CCND2: variants seen among roughly 807,000 people sequenced by gnomAD.
The protein encoded by CCND2 is G1/S-specific cyclin-D2.
In CCND2, 6 loss-of-function variants were observed where a neutral mutation model predicts 30.2. The observed-to-expected ratio is 0.20, with a 90% CI of 0.11 to 0.39. CCND2 has a LOEUF of 0.39. CCND2 is among the 10% of genes least tolerant of loss of function. CCND2 has a pLI of 1.00. For missense variants in CCND2, 235 were observed against 373.4 expected, an observed-to-expected ratio of 0.63 and a Z score of 3.06; for synonymous variants, 150 against 153.1, an observed-to-expected ratio of 0.98 and a Z score of 0.15.
rs1864044714 is a variant in CCND2 at position 4,287,844 on chromosome 12, C to T, written c.572-998C>T. On this transcript the variant is annotated intron_variant, in intron 3 of 4. Coordinates refer to ENST00000261254, the MANE Select transcript of CCND2 (RefSeq NM_001759.4). The surrounding 1 kb of genome is among the most constrained non-coding windows in gnomAD (Gnocchi z 4.0). ...AAGCAGCTGCTGGATCATGGCCACC[C>T]AGCCCCTCTGAAGGAGTGCTCGGAG... is the stretch of plus-strand genomic sequence containing the variant. 6.6e-6 allele frequency among the ~76,000 whole-genome samples: 1 copy of T among 152,212 alleles called. No homozygotes were observed. Among genetic ancestry groups the T allele is most frequent in the African/African-American group, 2.4e-5 (1 of 41,444 alleles).
intron 4 of CCND2, among the ~76,000 whole-genome samples, chr12:4,292,149 A>G (rs11063074): frequency 1.1e-4 from 16 of 152,080 alleles, no homozygotes; most frequent in African/African-American, 3.9e-4. Flanking sequence ...GTGTGTATAT[A>G]TGTATATACA....
chr12:4,302,548 C>A lies in CCND2; in HGVS notation c.*2539C>A, dbSNP rs570394607. 55 of 233,182 alleles carry A rather than the reference C, an allele frequency of 2.4e-4. 1 individual carries two copies. The South Asian group carries it at 9.8e-3, about 41-fold the overall frequency. 14.4% of individuals were successfully genotyped at this position (233,182 alleles called of 1,614,324 possible). A position where few individuals can be genotyped will look rare whatever the true frequency, so the allele number is the denominator to read the frequency against. ...AGGTCTGAATCTGCGAGTAGATGAACCTGCAGCAAGCAGCGTTTATGGTGC... is the reference window on the plus strand; with the variant it reads ...AGGTCTGAATCTGCGAGTAGATGAAACTGCAGCAAGCAGCGTTTATGGTGC... On this transcript the variant is annotated 3_prime_UTR_variant, in exon 5 of 5. Coordinates refer to ENST00000261254, the MANE Select transcript of CCND2 (RefSeq NM_001759.4).
chr12:4,279,900 G>A (rs1034302538), intron 3 of CCND2, among the ~76,000 whole-genome samples: 2 of 151,344 alleles, frequency 1.3e-5, no homozygotes, highest in African/African-American at 4.8e-5. Context: ...AAATCGCTAG[G>A]TGGACTCACG....
intron 3 of CCND2, among the ~76,000 whole-genome samples, chr12:4,284,746 T>TA (rs1328781507): frequency 2.7e-5 from 4 of 149,390 alleles, no homozygotes; most frequent in African/African-American, 9.8e-5. Context: ...TTCTTTTTCT[T>TA]TTTTTTTTTT....
Position 4,274,240 on chromosome 12 carries a change from G to T in CCND2, c.195+5G>T. On this transcript the variant is annotated splice_donor_5th_base_variant and intron_variant, in intron 1 of 4. Coordinates refer to ENST00000261254, the MANE Select transcript of CCND2 (RefSeq NM_001759.4). The surrounding 1 kb of genome is among the most constrained non-coding windows in gnomAD (Gnocchi z 7.7). ...GTGGCCACCTGGATGCTGGAGGTAG[G>T]TCGGGGGGTGGCGCTCGCCAGGAGC... 1.2e-6 allele frequency: 2 copies of T among 1,613,350 alleles called. No individual in the cohort carries two copies. The highest frequency in any genetic ancestry group is 1.7e-6 in the Non-Finnish European group (2 of 1,179,482).
chr12:4,295,726 G>A (rs1052932981), intron 4 of CCND2, among the ~76,000 whole-genome samples: 7 of 152,180 alleles, frequency 4.6e-5, no homozygotes, highest in Non-Finnish European at 8.8e-5. Context: ...GCAGTGAGCC[G>A]AGATCGCACC....
chr12:4,276,327 T>C lies in CCND2; in HGVS notation c.411+107T>C. 5 of 867,802 alleles carry C rather than the reference T, an allele frequency of 5.8e-6. No homozygotes were observed. The highest frequency in any genetic ancestry group is 7.2e-6 in the Non-Finnish European group (4 of 559,336). The allele number at this position is 867,802 out of a possible 1,614,324, so 53.8% of individuals were successfully genotyped here. ...CAGAGCAAATTCTTGGGATCCAGAATGACCCCACCAATAGAATTTACCCAC... is the reference window on the plus strand; with the variant it reads ...CAGAGCAAATTCTTGGGATCCAGAACGACCCCACCAATAGAATTTACCCAC... On this transcript the variant is annotated intron_variant, in intron 2 of 4. Coordinates refer to ENST00000261254, the MANE Select transcript of CCND2 (RefSeq NM_001759.4). The surrounding 1 kb of genome is among the most constrained non-coding windows in gnomAD (Gnocchi z 4.8).
At position 4,278,652 on chromosome 12, in the gene CCND2, C is replaced by T. The variant is rs114666303; in HGVS notation, c.412-108C>T. Reference sequence around the variant, plus strand: ...CCGCCTTACAATCTAGCAGCCACGTCCTAATGAGCGGCCTTAAAACTGGTC... The same window carrying T: ...CCGCCTTACAATCTAGCAGCCACGTTCTAATGAGCGGCCTTAAAACTGGTC... On this transcript the variant is annotated intron_variant, in intron 2 of 4. Coordinates refer to ENST00000261254, the MANE Select transcript of CCND2 (RefSeq NM_001759.4). 1.6e-3 allele frequency: 1,628 copies of T among 1,049,068 alleles called. 8 individuals are homozygous for T. The African/African-American group carries it at 0.021, about 14-fold the overall frequency. 65.0% of individuals were successfully genotyped at this position (1,049,068 alleles called of 1,614,324 possible). A position where few individuals can be genotyped will look rare whatever the true frequency, so the allele number is the denominator to read the frequency against.
At chr12:4,292,252 G>A (rs1864111435) in intron 4 of CCND2, among the ~76,000 whole-genome samples, 1 of 152,078 alleles carries the variant, frequency 6.6e-6, no homozygotes. Flanking sequence ...TTGATGTTGA[G>A]CTCTTCCCTG....
chr12:4,278,843 C>T lies in CCND2; in HGVS notation c.495C>T (p.Arg165=). The T allele has an allele frequency of 6.2e-7, 1 of 1,614,220 alleles. No homozygotes were observed. The highest frequency in any genetic ancestry group is 2.2e-5 in the East Asian group (1 of 44,882). Residue 165 remains arginine (R), a synonymous_variant, in exon 3 of 5, where the codon CGC becomes CGT. Coordinates refer to ENST00000261254, the MANE Select transcript of CCND2 (RefSeq NM_001759.4). ...ATGACTTCATTGAGCACATCTTGCG[C>T]AAGCTGCCCCAGCAGCGGGAGAAGC... ...TPHDFIEHIL[R]KLPQQREKLS...
In CCND2 at chr12:4,276,391, A is replaced by AT. The variant is rs1169412822; in HGVS notation, c.411+177dup. Among the ~76,000 whole-genome samples, 1 of 152,166 alleles carries AT rather than the reference A, an allele frequency of 6.6e-6. No individual in the cohort carries two copies. Among genetic ancestry groups the AT allele is most frequent in the Non-Finnish European group, 1.5e-5 (1 of 68,030 alleles). On this transcript the variant is annotated intron_variant, in intron 2 of 4. Coordinates refer to ENST00000261254, the MANE Select transcript of CCND2 (RefSeq NM_001759.4). This position sits in a 1 kb window ranked among gnomAD's most constrained non-coding sequence, Gnocchi z 4.8. ...CTCATTTAATAGGAAACCACTGTTT[A>AT]TTTTTTGTGTGTTCCTACTATGTGC...
chr12:4,284,714 C>T (rs1222965912), intron 3 of CCND2, among the ~76,000 whole-genome samples: 1 of 149,150 alleles, frequency 6.7e-6, no homozygotes, highest in Non-Finnish European at 1.5e-5. Flanking sequence ...ACTCAAGAGC[C>T]TCCTTTCTTT....
chr12:4,290,585 CCCT>C (rs1864086731), intron 4 of CCND2, among the ~76,000 whole-genome samples: 1 of 150,590 alleles, frequency 6.6e-6, no homozygotes, highest in Non-Finnish European at 1.5e-5. Flanking sequence ...GCGGCCACCC[CCCT>C]CCTCCTGCCC....
At position 4,289,005 on chromosome 12, in the gene CCND2, C is replaced by T. The variant is rs376238740; in HGVS notation, c.720+15C>T. On this transcript the variant is annotated intron_variant, in intron 4 of 4. Transcript: ENST00000261254. ...ACACAGACGTGGTAGGTGGCCACCA[C>T]CTTCTTGGCTAAGTCCAGATGTCTC... 5.6e-6 allele frequency: 9 copies of T among 1,602,964 alleles called. No homozygotes were observed. In the African/African-American group the frequency reaches 1.1e-4, roughly 19 times the overall value.
intron 3 of CCND2, among the ~76,000 whole-genome samples, chr12:4,284,174 G>A (rs1863990150): frequency 6.6e-6 from 1 of 152,208 alleles, no homozygotes; most frequent in South Asian, 2.1e-4. Context: ...AGGTTGGGGA[G>A]GATGCTGGCT....
rs752448734 is a variant in CCND2 at position 4,304,360 on chromosome 12, T to A, written c.*4351T>A. 8.6e-6 allele frequency: 2 copies of A among 233,458 alleles called. No homozygotes were observed. The highest frequency in any genetic ancestry group is 5.6e-5 in the Admixed American group (1 of 17,784). The allele number at this position is 233,458 out of a possible 1,614,324, so 14.5% of individuals were successfully genotyped here. Reference sequence around the variant, plus strand: ...TTTAAAAGGGAAATTAATGCTGAGATGATAAAGTCCCCTTAAGCCAACAAA... The same window carrying A: ...TTTAAAAGGGAAATTAATGCTGAGAAGATAAAGTCCCCTTAAGCCAACAAA... On this transcript the variant is annotated 3_prime_UTR_variant, in exon 5 of 5. Coordinates refer to ENST00000261254, the MANE Select transcript of CCND2 (RefSeq NM_001759.4). This position sits in a 1 kb window ranked among gnomAD's most constrained non-coding sequence, Gnocchi z 6.2.
chr12:4,276,278 C>CAT lies in CCND2; in HGVS notation c.411+59_411+60insTA. On this transcript the variant is annotated intron_variant, in intron 2 of 4. Coordinates refer to ENST00000261254, the MANE Select transcript of CCND2 (RefSeq NM_001759.4). The surrounding 1 kb of genome is among the most constrained non-coding windows in gnomAD (Gnocchi z 4.8). ...GCGATTCCCGCTTTCCCCTGGCCAA[C>CAT]AATATGCCTTCTATCACCACTGCCA... is the stretch of plus-strand genomic sequence containing the variant. The CAT allele has an allele frequency of 6.9e-7, 1 of 1,451,074 alleles. No homozygotes were observed. 89.9% of individuals were successfully genotyped at this position (1,451,074 alleles called of 1,614,324 possible).
chr12:4,297,402 C>A (rs913595765), intron 4 of CCND2, among the ~76,000 whole-genome samples: 1 of 151,838 alleles, frequency 6.6e-6, no homozygotes. Context: ...GAAATCCCAT[C>A]TCAACTATAA....
At chr12:4,284,881 G>A (rs529483595) in intron 3 of CCND2, among the ~76,000 whole-genome samples, 13 of 151,874 alleles carry the variant, frequency 8.6e-5, no homozygotes, top group Admixed American at 3.9e-4. Flanking sequence ...GATTACAGGC[G>A]CGTGCCACCA....
Sources: gnomAD v4.1 joint callset for allele counts (sites outside exome capture counted in the v4.1 genomes callset) on GRCh38, gnomAD v4.1.1 for gene constraint, Gnocchi (gnomAD v3.1) non-coding constraint, MANE v1.5 for transcripts, NCBI Gene and HGNC (gene_info 2026-07-23, HGNC 2026-07-21) for gene names.